The following ITCH variants were observed in gnomAD, a reference collection of about 807,000 sequenced individuals.
The protein encoded by ITCH is E3 ubiquitin-protein ligase Itchy homolog.
A neutral mutation model predicts 126.8 loss-of-function variants in ITCH; 28 were observed. That is an observed-to-expected ratio of 0.22 (90% CI 0.16 to 0.30). ITCH has a LOEUF of 0.30. Ranked by LOEUF, ITCH falls within the 10% of genes least tolerant of loss-of-function variation. The pLI is 1.00. For synonymous variants in ITCH, 342 were observed against 340.0 expected, an observed-to-expected ratio of 1.01 and a Z score of -0.06; for missense variants, 631 against 1,032.4, an observed-to-expected ratio of 0.61 and a Z score of 5.33.
chr20:34,409,374 A>T (rs1978654023), intron 4 of ITCH, among the ~76,000 whole-genome samples: 1 of 151,730 alleles, frequency 6.6e-6, no homozygotes, highest in Non-Finnish European at 1.5e-5. Context: ...TTAGTATTTT[A>T]AATTACGGTG....
At chr20:34,431,220 C>T (rs747913804) in intron 7 of ITCH, among the ~76,000 whole-genome samples, 7 of 151,960 alleles carry the variant, frequency 4.6e-5, no homozygotes, top group Non-Finnish European at 7.4e-5. Flanking sequence ...TTGAGACCAG[C>T]CTGAGGGACA....
intron 23 of ITCH, among the ~76,000 whole-genome samples, chr20:34,500,111 A>G (rs751032094): frequency 1.4e-4 from 22 of 152,328 alleles, no homozygotes; most frequent in Non-Finnish European, 2.2e-4. Context: ...TGGTTTCCCC[A>G]GGAGAATGTT....
At chr20:34,405,641 G>C (rs1234153281) in intron 3 of ITCH, among the ~76,000 whole-genome samples, 1 of 152,188 alleles carries the variant, frequency 6.6e-6, no homozygotes, top group Non-Finnish European at 1.5e-5. Context: ...AATATAATGA[G>C]TGTATGTATA....
rs185187132 is a variant in ITCH, at chr20:34,402,554, G to A, written c.71-6097G>A. On this transcript the variant is annotated intron_variant, in intron 3 of 24. Coordinates refer to ENST00000374864, the MANE Select transcript of ITCH (RefSeq NM_031483.7). ...TCCTCTTGCTCTGCAGTATCAAAAA[G>A]TCCAAGAGTATATGGTTCTCTACCA... 9.5e-5 allele frequency: 69 copies of A among 728,554 alleles called. No individual in the cohort carries two copies. In the African/African-American group the frequency reaches 1.0e-3, roughly 11 times the overall value. The allele number at this position is 728,554 out of a possible 1,614,324, so 45.1% of individuals were successfully genotyped here.
At chr20:34,381,939 G>A (rs1463887298) in intron 2 of ITCH, among the ~76,000 whole-genome samples, 5 of 151,622 alleles carry the variant, frequency 3.3e-5, no homozygotes, top group Non-Finnish European at 7.4e-5. Context: ...TGAATAACGT[G>A]TTTGGTGTCA....
intron 6 of ITCH, 72 bp downstream of exon 6, chr20:34,413,951 T>G: frequency 1.6e-6 from 2 of 1,285,976 alleles, no homozygotes; most frequent in Middle Eastern, 2.2e-4. Context: ...ATGCTGTATG[T>G]AATTATTTTG....
At chr20:34,475,034 G>A (rs1429271798) in intron 16 of ITCH, among the ~76,000 whole-genome samples, 1 of 150,478 alleles carries the variant, frequency 6.6e-6, no homozygotes, top group Non-Finnish European at 1.5e-5. Flanking sequence ...CGGGGCAGAG[G>A]CGCTCCCCAC....
At chr20:34,407,066 GT>G (rs1435825147) in intron 3 of ITCH, among the ~76,000 whole-genome samples, 2 of 151,988 alleles carry the variant, frequency 1.3e-5, no homozygotes, top group Non-Finnish European at 2.9e-5. Flanking sequence ...ATTTCTACTT[GT>G]TATACCCTGT....
At position 34,393,652 on chromosome 20, in the gene ITCH, C is replaced by T. The variant is rs533636905; in HGVS notation, c.-21-139C>T. The T allele has an allele frequency of 2.9e-4, 202 of 699,428 alleles. No individual in the cohort carries two copies. In the African/African-American group the frequency reaches 3.4e-3, roughly 12 times the overall value. The allele number at this position is 699,428 out of a possible 1,614,324, so 43.3% of individuals were successfully genotyped here. On this transcript the variant is annotated intron_variant, in intron 2 of 24. Coordinates refer to ENST00000374864, the MANE Select transcript of ITCH (RefSeq NM_031483.7). ...GCCAATAAGTTAGGTAGGATAAAGA[C>T]TAGAATTGAAAATTGTGTTTAGTAA...
chr20:34,465,827 T>G (rs1351389974), intron 14 of ITCH, among the ~76,000 whole-genome samples: 1 of 152,180 alleles, frequency 6.6e-6, no homozygotes, highest in Admixed American at 6.5e-5. Flanking sequence ...AGTGTTTTCT[T>G]CGTAAAAGAT....
At chr20:34,454,868 C>T (rs79777584) in intron 12 of ITCH, among the ~76,000 whole-genome samples, 7,085 of 114,690 alleles carry the variant, frequency 0.062, 289 homozygotes, top group Non-Finnish European at 0.093. Context: ...TTGCTCTTGT[C>T]GCCCAGGCTG....
chr20:34,364,391 C>T (rs1374206904), intron 1 of ITCH, among the ~76,000 whole-genome samples: 1 of 152,062 alleles, frequency 6.6e-6, no homozygotes, highest in Non-Finnish European at 1.5e-5. Flanking sequence ...GCCAGCCACC[C>T]ACTTAGGTGG....
chr20:34,429,470 G>C (rs1353221267), intron 7 of ITCH, among the ~76,000 whole-genome samples: 1 of 152,134 alleles, frequency 6.6e-6, no homozygotes, highest in Non-Finnish European at 1.5e-5. Context: ...ATTAGATTTG[G>C]GGTGGGACTC....
chr20:34,470,015 A>G (rs369230016), intron 14 of ITCH, 33 bp from the exon 15 acceptor site: 14 of 1,545,350 alleles, frequency 9.1e-6, no homozygotes, highest in African/African-American at 4.1e-5. Flanking sequence ...ACAAGCAGCT[A>G]TATATGTCCT....
At chr20:34,486,614 C>T (rs552567432) in intron 20 of ITCH, among the ~76,000 whole-genome samples, 2 of 152,206 alleles carry the variant, frequency 1.3e-5, no homozygotes, top group South Asian at 4.1e-4. Flanking sequence ...GCATGAGCCA[C>T]CACGCCCAGC....
chr20:34,423,611 C>CT (rs546760421), intron 6 of ITCH, among the ~76,000 whole-genome samples: 146 of 151,842 alleles, frequency 9.6e-4, no homozygotes, highest in South Asian at 2.7e-3. Context: ...CAACACTTTT[C>CT]TTTTTTTTGA....
chr20:34,502,057 T>C (rs1044910825), intron 23 of ITCH, among the ~76,000 whole-genome samples: 1 of 152,156 alleles, frequency 6.6e-6, no homozygotes, highest in Non-Finnish European at 1.5e-5. Flanking sequence ...ATTTGAAAGG[T>C]GGCTGAAAAT....
At chr20:34,439,358 T>G (rs1304264892) in intron 8 of ITCH, among the ~76,000 whole-genome samples, 3 of 152,206 alleles carry the variant, frequency 2.0e-5, no homozygotes, top group Non-Finnish European at 2.9e-5. Flanking sequence ...CTGCCACCTC[T>G]ACTTCCCAGG....
chr20:34,440,045 AT>A, intron 8 of ITCH, 109 bp from the exon 9 acceptor site: 1 of 760,014 alleles, frequency 1.3e-6, no homozygotes, highest in Non-Finnish European at 2.2e-6. Context: ...GTGCATCTAC[AT>A]CTTAAGTTTT....
Sources: allele counts gnomAD v4.1 joint callset (sites outside exome capture counted in the v4.1 genomes callset), GRCh38; gene constraint gnomAD v4.1.1; transcripts MANE v1.5; gene names NCBI Gene and HGNC (gene_info 2026-07-23, HGNC 2026-07-21).